The following SLC22A23 variants were observed in gnomAD, a reference collection of about 807,000 sequenced individuals.
SLC22A23 encodes the protein ion transporter protein.
A neutral mutation model predicts 61.0 loss-of-function variants in SLC22A23; 26 were observed. That is an observed-to-expected ratio of 0.43 (90% CI 0.31 to 0.59). The LOEUF is 0.59. Ranked by LOEUF, SLC22A23 falls within the 20% of genes least tolerant of loss-of-function variation. The probability of loss-of-function intolerance (pLI) is 0.11; values close to 1 mark genes in which losing one functional copy is unlikely to be tolerated. For synonymous variants in SLC22A23, 430 were observed against 413.9 expected (o/e 1.04, Z -0.47); for missense variants, 796 against 934.7 (o/e 0.85, Z 1.94).
chr6:3,350,610 T>C (rs536376826), intron 3 of SLC22A23, among the ~76,000 whole-genome samples: 16 of 152,216 alleles, frequency 1.1e-4, no homozygotes, highest in Non-Finnish European at 1.9e-4. Context: ...TGCAGAAAAC[T>C]TGGCCCATGC....
At chr6:3,443,940 C>T (rs997461660) in intron 1 of SLC22A23, among the ~76,000 whole-genome samples, 1 of 152,230 alleles carries the variant, frequency 6.6e-6, no homozygotes, top group African/African-American at 2.4e-5. Flanking sequence ...CTAAAAGACA[C>T]TCCCCACCCC....
intron 9 of SLC22A23, among the ~76,000 whole-genome samples, chr6:3,273,733 A>C (rs983346374): frequency 4.6e-5 from 7 of 152,194 alleles, no homozygotes; most frequent in African/African-American, 1.4e-4. Context: ...GCCTTATATA[A>C]TACTACTGTA....
rs60880355 is a variant in SLC22A23, at chr6:3,414,721, CA to C, written c.758+1030del. Among the ~76,000 whole-genome samples the C allele has an allele frequency of 0.013, 1,194 of 89,490 alleles. 15 individuals are homozygous for C. The highest frequency in any genetic ancestry group is 0.037 in the African/African-American group (854 of 22,836). The allele number at this position is 89,490 out of a possible 152,430, so 58.7% of individuals were successfully genotyped here. A position where few individuals can be genotyped will look rare whatever the true frequency, so the allele number is the denominator to read the frequency against. On this transcript the variant is annotated intron_variant, in intron 2 of 9. Transcript: ENST00000406686. The surrounding 1 kb of genome is among the most constrained non-coding windows in gnomAD (Gnocchi z 5.1). ...TCAAGGCCAAGATGTCTCGATTCAC[CA>C]AAAAAAAAAAAAAAAAAAAAAATCC...
intron 9 of SLC22A23, among the ~76,000 whole-genome samples, chr6:3,283,208 G>GA (rs1424901536): frequency 2.6e-5 from 4 of 151,620 alleles, no homozygotes; most frequent in African/African-American, 9.8e-5. Context: ...AAGGTGGGGG[G>GA]ATCACCTGAG....
chr6:3,283,669 T>C (rs1195044315), intron 9 of SLC22A23, 183 bp downstream of exon 9: 1 of 953,908 alleles, frequency 1.0e-6, no homozygotes, highest in Non-Finnish European at 1.5e-6. Flanking sequence ...GGCCAGGTTC[T>C]CACTGCCTCT....
intron 3 of SLC22A23, among the ~76,000 whole-genome samples, chr6:3,347,264 T>G: frequency 7.7e-6 from 1 of 129,982 alleles, no homozygotes; most frequent in East Asian, 2.5e-4. Flanking sequence ...TACACGCACA[T>G]GCATCTGTCC....
intron 9 of SLC22A23, among the ~76,000 whole-genome samples, chr6:3,274,957 CTTTT>C (rs11393848): frequency 1.4e-5 from 2 of 143,400 alleles, no homozygotes; most frequent in Non-Finnish European, 3.1e-5. Flanking sequence ...TTCCAGGTGA[CTTTT>C]TTTTTTTTTC....
intron 3 of SLC22A23, among the ~76,000 whole-genome samples, chr6:3,392,142 T>C (rs760416510): frequency 1.3e-5 from 2 of 152,148 alleles, no homozygotes; most frequent in Admixed American, 6.5e-5. Flanking sequence ...ACCCTTGCAA[T>C]TGGGTGTGGA....
chr6:3,412,420 T>C (rs967826482), intron 2 of SLC22A23, among the ~76,000 whole-genome samples: 6 of 152,198 alleles, frequency 3.9e-5, no homozygotes, highest in African/African-American at 1.2e-4. Context: ...TAATGTCTGC[T>C]TCATAATGTT....
chr6:3,377,375 C>G (rs1766644840), intron 3 of SLC22A23, among the ~76,000 whole-genome samples: 1 of 152,136 alleles, frequency 6.6e-6, no homozygotes, highest in Non-Finnish European at 1.5e-5. Flanking sequence ...AGAGGGTCAA[C>G]AGAGGGAACA....
In SLC22A23 at chr6:3,327,049, C is replaced by T. The variant is rs1057056699; in HGVS notation, c.914-3047G>A. Among the ~76,000 whole-genome samples the T allele has an allele frequency of 3.3e-5, 5 of 151,248 alleles. No homozygotes were observed. The highest frequency in any genetic ancestry group is 5.9e-5 in the Non-Finnish European group (4 of 67,792). On this transcript the variant is annotated intron_variant, in intron 3 of 9. Coordinates refer to ENST00000406686, the MANE Select transcript of SLC22A23 (RefSeq NM_015482.2). This position sits in a 1 kb window ranked among gnomAD's most constrained non-coding sequence, Gnocchi z 4.1. ...GGTGGATCGTTTCTGCTGGGAGGGA[C>T]GGGGACTGCAGGTGGATCGTTTCTG...
rs1763439705 is a variant in SLC22A23, at chr6:3,329,090, C to G, written c.914-5088G>C. On this transcript the variant is annotated intron_variant, in intron 3 of 9. Coordinates refer to ENST00000406686, the MANE Select transcript of SLC22A23 (RefSeq NM_015482.2). The surrounding 1 kb of genome is among the most constrained non-coding windows in gnomAD (Gnocchi z 4.8). ...TGTGCTACTGAGCAGGGCTTGGCCCCAGCTCCAGCGGCTAAGGCATCTGCC... is the reference window on the plus strand; with the variant it reads ...TGTGCTACTGAGCAGGGCTTGGCCCGAGCTCCAGCGGCTAAGGCATCTGCC... Among the ~76,000 whole-genome samples the G allele has an allele frequency of 6.6e-6, 1 of 152,210 alleles. No homozygotes were observed. Among genetic ancestry groups the G allele is most frequent in the Non-Finnish European group, 1.5e-5 (1 of 68,044 alleles).
rs1763451299 is a variant in SLC22A23 at position 3,329,271 on chromosome 6, C to T, written c.914-5269G>A. On this transcript the variant is annotated intron_variant, in intron 3 of 9. Transcript: ENST00000406686. This position sits in a 1 kb window ranked among gnomAD's most constrained non-coding sequence, Gnocchi z 4.8. ...GAAGCCAATCTTTGAAAAAAAAAGG[C>T]CCATCCTCCCATAATGCACAAATGA... Among the ~76,000 whole-genome samples, 1 of 151,854 alleles carries T rather than the reference C, an allele frequency of 6.6e-6. No individual in the cohort carries two copies. Among genetic ancestry groups the T allele is most frequent in the Non-Finnish European group, 1.5e-5 (1 of 67,976 alleles).
rs1180663028 is a variant in SLC22A23, at chr6:3,269,984, A to G, written c.*3071T>C. 1.3e-5 allele frequency: 2 copies of G among 152,798 alleles called. No individual in the cohort carries two copies. Among genetic ancestry groups the G allele is most frequent in the Non-Finnish European group, 2.9e-5 (2 of 68,050 alleles). The allele number at this position is 152,798 out of a possible 1,614,324, so 9.5% of individuals were successfully genotyped here. A position where few individuals can be genotyped will look rare whatever the true frequency, so the allele number is the denominator to read the frequency against. ...TCCAGATGCAGGTGATCTTACTCTC[A>G]GTAAACAAAAACATGTAACCTTTTT... On this transcript the variant is annotated 3_prime_UTR_variant, in exon 10 of 10. Transcript: ENST00000406686.
At chr6:3,319,147 T>C (rs1234323388) in intron 4 of SLC22A23, among the ~76,000 whole-genome samples, 1 of 152,200 alleles carries the variant, frequency 6.6e-6, no homozygotes, top group East Asian at 1.9e-4. Flanking sequence ...TGCATCTTTA[T>C]GCCTTTGTAG....
At chr6:3,358,478 A>G (rs1429426517) in intron 3 of SLC22A23, among the ~76,000 whole-genome samples, 1 of 152,206 alleles carries the variant, frequency 6.6e-6, no homozygotes, top group Non-Finnish European at 1.5e-5. Context: ...TCACAGAAGG[A>G]CAAATACTAC....
At chr6:3,287,675 G>GTTTTTTTTTTTT (rs11418179) in intron 6 of SLC22A23, among the ~76,000 whole-genome samples, 1 of 136,884 alleles carries the variant, frequency 7.3e-6, no homozygotes, top group Non-Finnish European at 1.5e-5. Flanking sequence ...ACAGGAAACT[G>GTTTTTTTTTTTT]TTTTTTTTTT....
intron 3 of SLC22A23, among the ~76,000 whole-genome samples, chr6:3,362,861 G>C (rs191044689): frequency 3.8e-4 from 29 of 75,772 alleles, no homozygotes; most frequent in Non-Finnish European, 3.1e-5. Context: ...GGAATGGGGT[G>C]GTGGGACAGG....
chr6:3,416,041 A>G (rs1769677205), intron 1 of SLC22A23, among the ~76,000 whole-genome samples, 186 bp from the exon 2 acceptor site: 1 of 152,236 alleles, frequency 6.6e-6, no homozygotes. Flanking sequence ...TTTGCCCACA[A>G]AAGGAAATGT....
Sources: gnomAD v4.1 joint callset for allele counts (sites outside exome capture counted in the v4.1 genomes callset) on GRCh38, gnomAD v4.1.1 for gene constraint, Gnocchi (gnomAD v3.1) non-coding constraint, MANE v1.5 for transcripts, NCBI Gene and HGNC (gene_info 2026-07-23, HGNC 2026-07-21) for gene names.